The following NYAP2 variants were observed in gnomAD, a reference collection of about 807,000 sequenced individuals.
NYAP2 encodes the protein neuronal tyrosine-phosphorylated phosphoinositide-3-kinase adaptor 2.
NYAP2 carries 23 observed loss-of-function variants against 50.4 expected under a neutral mutation model. That is an observed-to-expected ratio of 0.46 (90% CI 0.33 to 0.65). The LOEUF is 0.65. Among genes scored for constraint, NYAP2 ranks in the 30% least tolerant of loss-of-function variants. The pLI is 0.02. For synonymous variants in NYAP2, 394 were observed against 365.2 expected (o/e 1.08, Z -0.90); for missense variants, 885 against 861.0 (o/e 1.03, Z -0.35).
intron 3 of NYAP2, among the ~76,000 whole-genome samples, chr2:225,470,283 T>A (rs1163261283): frequency 6.6e-6 from 1 of 152,164 alleles, no homozygotes; most frequent in African/African-American, 2.4e-5. Flanking sequence ...CTTGCCCTTC[T>A]CTATTTTCTT....
At chr2:225,657,068 T>TGGCTC (rs1693840880), downstream of NYAP2, among the ~76,000 whole-genome samples, 1 of 149,504 alleles carries the variant, frequency 6.7e-6, no homozygotes, top group South Asian at 2.1e-4. Context: ...GCCAGGAGAG[T>TGGCTC]AAGGCCTAGA....
At chr2:225,670,692 A>G in the NYAP2 span, among the ~76,000 whole-genome samples, 2 of 151,606 alleles carry the variant, frequency 1.3e-5, no homozygotes, top group African/African-American at 4.8e-5. Flanking sequence ...ATTGTTTATC[A>G]TGTGTTTTGG....
At chr2:225,653,201 G>A (rs908780464) in exon 7 of NYAP2, 1 of 152,220 alleles carries the variant, frequency 6.6e-6, no homozygotes, top group Non-Finnish European at 1.5e-5. Context: ...CTAATTGGCA[G>A]AGGATTGCAC....
chr2:225,503,826 A>G (rs1690650758), intron 3 of NYAP2, among the ~76,000 whole-genome samples: 1 of 152,032 alleles, frequency 6.6e-6, no homozygotes, highest in Admixed American at 6.6e-5. Context: ...GATTTGTGCA[A>G]CTCTATAATT....
chr2:225,497,290 G>A (rs1447227749), intron 3 of NYAP2, among the ~76,000 whole-genome samples: 1 of 152,140 alleles, frequency 6.6e-6, no homozygotes, highest in Admixed American at 6.5e-5. Flanking sequence ...TCTGCAACCT[G>A]TTGTGCATAG....
chr2:225,489,501 CCTTTTTCTAAGATTCACCTGTAG>C (rs1195384939), intron 3 of NYAP2, among the ~76,000 whole-genome samples: 2 of 152,072 alleles, frequency 1.3e-5, no homozygotes, highest in East Asian at 3.9e-4. Context: ...CCCGGTCTCC[CCTTTTTCTAAGATTCACCTGTAG>C]CTGGTAATTA....
intron 3 of NYAP2, among the ~76,000 whole-genome samples, chr2:225,448,950 C>G (rs1689605359): frequency 6.6e-6 from 1 of 152,170 alleles, no homozygotes; most frequent in Non-Finnish European, 1.5e-5. Context: ...TGGGGCATTT[C>G]TGTACAAACT....
rs1559182025 is a variant in NYAP2, at chr2:225,446,252, A to AT, written c.221+37152dup. Among the ~76,000 whole-genome samples, 180 of 82,454 alleles carry AT rather than the reference A, an allele frequency of 2.2e-3. 2 individuals are homozygous for AT. The highest frequency in any genetic ancestry group is 6.7e-3 in the African/African-American group (171 of 25,650). The allele number at this position is 82,454 out of a possible 152,430, so 54.1% of individuals were successfully genotyped here. A position where few individuals can be genotyped will look rare whatever the true frequency, so the allele number is the denominator to read the frequency against. ...TCTCTCTCTCTCTCTCTCTCTATAT[A>AT]TATATATATATATATATATATATAT... On this transcript the variant is annotated intron_variant, in intron 3 of 6. Coordinates refer to ENST00000636099, the Ensembl canonical transcript of NYAP2.
At chr2:225,454,476 A>G (rs1318105763) in intron 3 of NYAP2, among the ~76,000 whole-genome samples, 1 of 152,164 alleles carries the variant, frequency 6.6e-6, no homozygotes, top group East Asian at 1.9e-4. Flanking sequence ...TATTAGCTTC[A>G]ATTTTAGTTT....
intron 3 of NYAP2, among the ~76,000 whole-genome samples, chr2:225,428,929 T>A (rs1173345499): frequency 6.6e-6 from 1 of 152,186 alleles, no homozygotes; most frequent in African/African-American, 2.4e-5. Context: ...TGACATTGAT[T>A]TAGTGCTTAT....
At chr2:225,544,608 T>C (rs760110078) in intron 4 of NYAP2, among the ~76,000 whole-genome samples, 10 of 152,118 alleles carry the variant, frequency 6.6e-5, no homozygotes, top group Non-Finnish European at 1.2e-4. Flanking sequence ...TAACATTTCG[T>C]TGTTTCTCTT....
intron 3 of NYAP2, among the ~76,000 whole-genome samples, chr2:225,507,784 C>A (rs569127977): frequency 6.6e-6 from 1 of 152,336 alleles, no homozygotes; most frequent in Admixed American, 6.5e-5. Flanking sequence ...TATCAGACTG[C>A]TAAATGCTTC....
chr2:225,479,240 A>G lies in NYAP2; in HGVS notation c.222-34131A>G, dbSNP rs142398261. ...AGAAGAAAAATCTGGTTATAAATCC[A>G]CTGCCACCAAATCCATCCCTTTGAA... is the stretch of plus-strand genomic sequence containing the variant. On this transcript the variant is annotated intron_variant, in intron 3 of 6. Coordinates refer to ENST00000636099, the Ensembl canonical transcript of NYAP2. Among the ~76,000 whole-genome samples, 357 of 152,286 alleles carry G rather than the reference A, an allele frequency of 2.3e-3. 2 individuals are homozygous for G. Among genetic ancestry groups the G allele is most frequent in the African/African-American group, 8.1e-3 (337 of 41,576 alleles).
intron 3 of NYAP2, among the ~76,000 whole-genome samples, chr2:225,454,955 C>T (rs553055088): frequency 6.6e-5 from 10 of 151,958 alleles, no homozygotes; most frequent in Non-Finnish European, 1.0e-4. Flanking sequence ...TCAATGTAGT[C>T]AAAAGTGTCC....
At chr2:225,619,871 T>C (rs1693058823) in intron 5 of NYAP2, among the ~76,000 whole-genome samples, 1 of 152,186 alleles carries the variant, frequency 6.6e-6, no homozygotes, top group Admixed American at 6.5e-5. Context: ...AATACAAATA[T>C]AATAAAATAA....
chr2:225,446,344 A>G (rs1689565292), intron 3 of NYAP2, among the ~76,000 whole-genome samples: 1 of 150,258 alleles, frequency 6.7e-6, no homozygotes, highest in African/African-American at 2.4e-5. Context: ...TCATTCATTG[A>G]ATTAATTATA....
chr2:225,655,925 CACAT>C (rs1488348068), downstream of NYAP2, among the ~76,000 whole-genome samples: 264 of 104,558 alleles, frequency 2.5e-3, no homozygotes, highest in East Asian at 0.014. Context: ...CACACACACA[CACAT>C]ACACACATAC....
chr2:225,612,791 C>T (rs919239211), intron 5 of NYAP2, among the ~76,000 whole-genome samples: 3 of 39,272 alleles, frequency 7.6e-5, no homozygotes, highest in Admixed American at 4.7e-4. Context: ...AGAAGCCCCA[C>T]CTTTGGACAT....
At chr2:225,664,611 G>A in the NYAP2 span, among the ~76,000 whole-genome samples, 2 of 152,146 alleles carry the variant, frequency 1.3e-5, no homozygotes, top group African/African-American at 4.8e-5. Flanking sequence ...GCTTATGCCT[G>A]TAATCCCAGC....
Sources: allele counts gnomAD v4.1 joint callset (sites outside exome capture counted in the v4.1 genomes callset), GRCh38; gene constraint gnomAD v4.1.1; transcripts MANE v1.5; gene names NCBI Gene and HGNC (gene_info 2026-07-23, HGNC 2026-07-21).